Variants in RIF1 observed in about 807,000 individuals in gnomAD.
RIF1 encodes the protein telomere-associated protein RIF1.
In RIF1, 45 loss-of-function variants were observed where a neutral mutation model predicts 247.1. The observed-to-expected ratio is 0.18, with a 90% CI of 0.14 to 0.23. The LOEUF (loss-of-function observed/expected upper bound fraction) is 0.23. Among genes scored for constraint, RIF1 ranks in the 10% least tolerant of loss-of-function variants. The pLI is 1.00. For synonymous variants in RIF1, 1,087 were observed against 978.8 expected (o/e 1.11, Z -2.06); for missense variants, 2,967 against 2,862.5 (o/e 1.04, Z -0.83).
At chr2:151,429,477 G>C (rs569525018) in intron 9 of RIF1, among the ~76,000 whole-genome samples, 1 of 152,316 alleles carries the variant, frequency 6.6e-6, no homozygotes, top group African/African-American at 2.4e-5. Context: ...ACTGCCCCCA[G>C]CCTATTATTT....
At chr2:151,531,423 T>G in the RIF1 span, among the ~76,000 whole-genome samples, 48 of 151,104 alleles carry the variant, frequency 3.2e-4, no homozygotes, top group Non-Finnish European at 6.3e-4. Flanking sequence ...CTCAAGCAAT[T>G]GTCACGCCTC....
intron 18 of RIF1, among the ~76,000 whole-genome samples, chr2:151,444,224 C>A (rs1692841790): frequency 6.6e-6 from 1 of 152,180 alleles, no homozygotes; most frequent in Admixed American, 6.5e-5. Context: ...GATTTGTCAG[C>A]CTCTTTGTCA....
intron 4 of RIF1, among the ~76,000 whole-genome samples, chr2:151,415,215 C>T (rs1014799355): frequency 8.6e-5 from 13 of 151,778 alleles, no homozygotes; most frequent in Non-Finnish European, 1.6e-4. Context: ...GGCACCGTGG[C>T]GGGCGCCTGT....
chr2:151,514,762 G>T, the RIF1 span: 201 of 1,207,284 alleles, frequency 1.7e-4, no homozygotes, highest in African/African-American at 2.8e-3. Flanking sequence ...ATTAATGAGT[G>T]TCACTAGTGC....
chr2:151,439,994 A>AAAAAAAAAAAAAAC (rs1691988243), intron 14 of RIF1, 33 bp from the exon 15 acceptor site: 1 of 872,520 alleles, frequency 1.1e-6, no homozygotes, highest in Non-Finnish European at 1.8e-6. Flanking sequence ...AAAAAAAAAA[A>AAAAAAAAAAAAAAC]AGAACTATAC....
chr2:151,432,062 G>A (rs189399207), intron 9 of RIF1, among the ~76,000 whole-genome samples: 2 of 152,220 alleles, frequency 1.3e-5, no homozygotes, highest in Admixed American at 1.3e-4. Flanking sequence ...AGCCTGGAGT[G>A]CAGTGGTGTG....
chr2:151,516,389 T>A, the RIF1 span: 1 of 1,050,426 alleles, frequency 9.5e-7, no homozygotes, highest in South Asian at 1.5e-5. Context: ...AAACTGGCCA[T>A]GTCATGGGCA....
At chr2:151,445,556 C>T in intron 19 of RIF1, 111 bp downstream of exon 19, 1 of 588,362 alleles carries the variant, frequency 1.7e-6, no homozygotes, top group African/African-American at 1.9e-5. Context: ...TTCTTTTTCT[C>T]TTTTTTTTTT....
Position 151,416,647 on chromosome 2 carries a change from A to G in RIF1, c.367A>G (p.Ile123Val), listed in dbSNP as rs1441581941. The change falls in exon 5 of 36, where the codon ATA becomes GTA. Residue 123 changes from isoleucine to valine, a missense_variant. By Grantham distance (29) the Ile-to-Val change is conservative. Transcript: ENST00000444746. ...KNVRTRALWV[I>V]SKQTFPSEVV... ...TGTACGTACTAGAGCACTTTGGGTG[A>G]TATCTAAGCAGACATTTCCCTCTGA... 2.5e-6 allele frequency: 4 copies of G among 1,612,612 alleles called. No individual in the cohort carries two copies. Among genetic ancestry groups the G allele is most frequent in the Non-Finnish European group, 3.4e-6 (4 of 1,179,676 alleles).
intron 6 of RIF1, 39 bp downstream of exon 6, chr2:151,416,940 T>C (rs770369067): frequency 2.7e-5 from 41 of 1,502,452 alleles, no homozygotes; most frequent in Admixed American, 5.4e-5. Flanking sequence ...AGAATAGTTT[T>C]CATAAATTTA....
At chr2:151,424,825 A>AATT (rs1688730558) in intron 8 of RIF1, among the ~76,000 whole-genome samples, 1 of 47,272 alleles carries the variant, frequency 2.1e-5, no homozygotes, top group Non-Finnish European at 3.8e-5. Context: ...AGCCCGGCTG[A>AATT]TTTTTTTTTT....
chr2:151,497,775 G>A, intron 10 of RIF1: 1 of 1,546,568 alleles, frequency 6.5e-7, no homozygotes, highest in Non-Finnish European at 8.7e-7. Context: ...CATTTCTTGG[G>A]ACTTTTTAAG....
chr2:151,422,918 C>A, intron 7 of RIF1, 32 bp from the exon 8 acceptor site: 1 of 1,147,828 alleles, frequency 8.7e-7, no homozygotes, highest in South Asian at 1.3e-5. Flanking sequence ...TTCTAAGAGT[C>A]TGTTTGGTAA....
chr2:151,472,364 C>A (rs2048605833), intron 34 of RIF1, among the ~76,000 whole-genome samples: 1 of 152,166 alleles, frequency 6.6e-6, no homozygotes, highest in Non-Finnish European at 1.5e-5. Context: ...CCCTTTATTT[C>A]TTTCTCTTGC....
At chr2:151,461,687 C>T (rs780152122) in intron 27 of RIF1, among the ~76,000 whole-genome samples, 14 of 151,898 alleles carry the variant, frequency 9.2e-5, no homozygotes, top group Middle Eastern at 3.4e-3. Flanking sequence ...CCACCACACC[C>T]GGCCACGTGT....
Position 151,438,737 on chromosome 2 carries a change from A to G in RIF1, c.1537A>G (p.Thr513Ala). 1 of 1,609,000 alleles carries G rather than the reference A, an allele frequency of 6.2e-7. No homozygotes were observed. Among genetic ancestry groups the G allele is most frequent in the Non-Finnish European group, 8.5e-7 (1 of 1,175,350 alleles). The change falls in exon 14 of 36, where the codon ACT (threonine) becomes GCT (alanine). Residue 513 changes from threonine to alanine, a missense_variant. By Grantham distance (58) the Thr-to-Ala change is moderately conservative (BLOSUM62 0). Coordinates refer to ENST00000444746, the MANE Select transcript of RIF1 (RefSeq NM_018151.5). ...GCTAATTAGCTTGGTGAAGTCAGTTACTGAATCAGGTAAGCACTATTACAC... is the reference window on the plus strand; with the variant it reads ...GCTAATTAGCTTGGTGAAGTCAGTTGCTGAATCAGGTAAGCACTATTACAC... Reference protein sequence around the residue: ...KELISLVKSVTESGNKKEKPG... With the variant: ...KELISLVKSVAESGNKKEKPG...
intron 2 of RIF1, 88 bp downstream of exon 2, chr2:151,410,615 G>A (rs1685987330): frequency 1.9e-6 from 2 of 1,072,036 alleles, no homozygotes; most frequent in Non-Finnish European, 2.8e-6. Context: ...TAGAATGAAT[G>A]TGAGTTCTAG....
At chr2:151,498,066 T>G (rs2061506967) in intron 10 of RIF1, 1 of 1,457,170 alleles carries the variant, frequency 6.9e-7, no homozygotes, top group Non-Finnish European at 9.0e-7. Flanking sequence ...TAAAACATGT[T>G]TGTTTGTAAA....
chr2:151,495,106 A>G (rs1475108315), intron 9 of RIF1: 3 of 152,238 alleles, frequency 2.0e-5, no homozygotes, highest in Admixed American at 6.5e-5. Context: ...TTCATACAAC[A>G]TTCAGCTTAT....
Sources: allele counts gnomAD v4.1 joint callset (sites outside exome capture counted in the v4.1 genomes callset), GRCh38; gene constraint gnomAD v4.1.1; transcripts MANE v1.5; gene names NCBI Gene and HGNC (gene_info 2026-07-23, HGNC 2026-07-21).